Variants in ADGRG1 observed in about 807,000 individuals in gnomAD.
The protein encoded by ADGRG1 is 7-transmembrane protein with no EGF-like N-terminal domains-1.
Under a neutral mutation model 73.5 loss-of-function variants are expected in ADGRG1, and 53 were observed. The observed-to-expected ratio is 0.72, with a 90% CI of 0.58 to 0.91. The LOEUF (loss-of-function observed/expected upper bound fraction) is 0.91, where lower values mean the gene tolerates loss of function less well. Among genes scored for constraint, ADGRG1 ranks in the 40% least tolerant of loss-of-function variants. The probability of loss-of-function intolerance (pLI) is 0.00; values close to 1 mark genes in which losing one functional copy is unlikely to be tolerated. For missense variants in ADGRG1, 795 were observed against 871.8 expected (o/e 0.91, Z 1.11); for synonymous variants, 394 against 374.4 (o/e 1.05, Z -0.60).
chr16:57,662,508 C>T (rs2047446630), intron 13 of ADGRG1, among the ~76,000 whole-genome samples: 1 of 152,198 alleles, frequency 6.6e-6, no homozygotes. Context: ...CACCCGGGCC[C>T]TGCCACATCA....
rs1386666927 is a variant in ADGRG1, at chr16:57,665,496, T to G, written c.*1914T>G. On this transcript the variant is annotated 3_prime_UTR_variant, in exon 14 of 14. Transcript: ENST00000562631. ...GTCAAAAGCTGCCTGGTCCTGGGAT[T>G]TATGCAACCAGTTTACTGATCACTC... 2.0e-5 allele frequency: 3 copies of G among 152,184 alleles called. No individual in the cohort carries two copies. Among genetic ancestry groups the G allele is most frequent in the African/African-American group, 7.2e-5 (3 of 41,430 alleles). The allele number at this position is 152,184 out of a possible 1,614,324, so 9.4% of individuals were successfully genotyped here.
intron 1 of ADGRG1, among the ~76,000 whole-genome samples, chr16:57,644,702 G>T (rs377617240): frequency 7.9e-6 from 1 of 127,060 alleles, no homozygotes; most frequent in Admixed American, 8.0e-5. Flanking sequence ...ACACATGCAC[G>T]GGCACACACT....
At chr16:57,626,529 A>G, upstream of ADGRG1, 1 of 949,950 alleles carries the variant, frequency 1.1e-6, no homozygotes, top group South Asian at 4.9e-5. Context: ...AGGTCTCTGC[A>G]AAGTCCGACG....
chr16:57,654,239 C>T lies in ADGRG1; in HGVS notation c.768+106C>T, dbSNP rs1205752141. On this transcript the variant is annotated intron_variant, in intron 5 of 13. Coordinates refer to ENST00000562631, the MANE Select transcript of ADGRG1 (RefSeq NM_201525.4). The stretch of plus-strand genomic sequence containing the variant: ...AGCTCAGTGCCGTCGCAGCCTCTCC[C>T]TGGGGCCTCCCGAGAAGGTTCCAGG... The T allele has an allele frequency of 2.6e-5, 30 of 1,153,862 alleles. No homozygotes were observed. The Admixed American group carries it at 6.3e-4, about 24-fold the overall frequency. 71.5% of individuals were successfully genotyped at this position (1,153,862 alleles called of 1,614,324 possible).
chr16:57,660,937 C>A, intron 12 of ADGRG1, 61 bp downstream of exon 12: 1 of 997,768 alleles, frequency 1.0e-6, no homozygotes, highest in Non-Finnish European at 1.6e-6. Context: ...GGCCAGAGTG[C>A]AGCCCGGGCC....
intron 10 of ADGRG1, chr16:57,658,915 T>C (rs1367204492): frequency 1.0e-6 from 1 of 977,476 alleles, no homozygotes; most frequent in African/African-American, 1.8e-5. Context: ...CATGTTCTGC[T>C]GCACCCTCTA....
intron 1 of ADGRG1, chr16:57,634,338 A>G: frequency 1.0e-6 from 1 of 985,408 alleles, no homozygotes; most frequent in Non-Finnish European, 1.2e-6. Flanking sequence ...AGGGGCTGGC[A>G]GGGGCCCCTG....
chr16:57,646,965 C>T (rs1387236303), intron 1 of ADGRG1: 4 of 983,184 alleles, frequency 4.1e-6, no homozygotes, highest in East Asian at 1.2e-4. Flanking sequence ...CGCCTGATGG[C>T]TGAGGCCCTG....
Position 57,655,417 on chromosome 16 carries a change from A to G in ADGRG1, c.787A>G (p.Met263Val), listed in dbSNP as rs746999812. Residue 263 changes from methionine (M) to valine (V), a missense_variant, in exon 6 of 14, where the codon ATG becomes GTG. Transcript: ENST00000562631. ...TCTGCAGGAGGAGCAGAGCGAGATCATGGAGTACTCGGTGCTGCTGCCTCG... is the reference window on the plus strand; with the variant it reads ...TCTGCAGGAGGAGCAGAGCGAGATCGTGGAGTACTCGGTGCTGCTGCCTCG... Reference protein sequence around the residue: ...SRQEEEQSEIMEYSVLLPRTL... With the variant: ...SRQEEEQSEIVEYSVLLPRTL... 9 of 1,613,544 alleles carry G rather than the reference A, an allele frequency of 5.6e-6. No homozygotes were observed. In the South Asian group the frequency reaches 8.8e-5, roughly 16 times the overall value.
Position 57,655,432 on chromosome 16 carries a change from C to T in ADGRG1, c.802C>T (p.Leu268=). Residue 268 remains leucine (L), a synonymous_variant, in exon 6 of 14, where the codon CTG becomes TTG. Coordinates refer to ENST00000562631, the MANE Select transcript of ADGRG1 (RefSeq NM_201525.4). The part of the protein sequence containing the change: ...EQSEIMEYSV[L]LPRTLFQRTK... ...GAGCGAGATCATGGAGTACTCGGTGCTGCTGCCTCGAACACTCTTCCAGAG... is the reference window on the plus strand; with the variant it reads ...GAGCGAGATCATGGAGTACTCGGTGTTGCTGCCTCGAACACTCTTCCAGAG... The T allele has an allele frequency of 6.2e-7, 1 of 1,613,658 alleles. No homozygotes were observed. The highest frequency in any genetic ancestry group is 8.5e-7 in the Non-Finnish European group (1 of 1,179,990).
intron 5 of ADGRG1, chr16:57,655,168 G>A: frequency 8.1e-6 from 8 of 985,404 alleles, no homozygotes; most frequent in Non-Finnish European, 9.6e-6. Context: ...GTTCTCCCAG[G>A]GCTATTTGCC....
At chr16:57,649,920 G>A (rs190265889) in intron 1 of ADGRG1, 1 of 153,562 alleles carries the variant, frequency 6.5e-6, no homozygotes, top group Admixed American at 6.5e-5. Context: ...TGGGACCACA[G>A]GCATACACCG....
At chr16:57,649,137 C>G (rs1168858871) in intron 1 of ADGRG1, among the ~76,000 whole-genome samples, 1 of 152,200 alleles carries the variant, frequency 6.6e-6, no homozygotes, top group Non-Finnish European at 1.5e-5. Flanking sequence ...TTGTCCCCAG[C>G]AGAAACCGTG....
intron 1 of ADGRG1, chr16:57,631,651 G>A (rs1287174908): frequency 4.1e-6 from 4 of 985,434 alleles, no homozygotes; most frequent in Non-Finnish European, 3.6e-6. Context: ...AGCAGTCAGG[G>A]GTGACCAGAC....
upstream of ADGRG1, chr16:57,624,104 T>A: frequency 1.7e-6 from 1 of 582,500 alleles, no homozygotes; most frequent in Non-Finnish European, 2.2e-6. Context: ...CCAAGATTTA[T>A]TGAGCACCTA....
intron 1 of ADGRG1, chr16:57,630,369 C>T: frequency 1.0e-6 from 1 of 985,492 alleles, no homozygotes; most frequent in Non-Finnish European, 1.2e-6. Flanking sequence ...AGACCTGACC[C>T]CTTCTTTGCT....
rs753713822 is a variant in ADGRG1, at chr16:57,659,440, G to A, written c.1314G>A (p.Lys438=). Residue 438 remains lysine (K), a synonymous_variant, in exon 11 of 14, where the codon AAG becomes AAA. Transcript: ENST00000562631. Reference sequence around the variant, plus strand: ...GGAAACCTCGGGACTACACCATCAAGGTGCACATGAACCTGCTGCTGGCCG... The same window carrying A: ...GGAAACCTCGGGACTACACCATCAAAGTGCACATGAACCTGCTGCTGGCCG... The part of the protein sequence containing the change: ...SRRKPRDYTI[K]VHMNLLLAVF... The A allele has an allele frequency of 2.5e-6, 4 of 1,613,920 alleles. No individual in the cohort carries two copies. The highest frequency in any genetic ancestry group is 3.4e-6 in the Non-Finnish European group (4 of 1,180,024).
intron 6 of ADGRG1, 81 bp downstream of exon 6, chr16:57,655,611 C>T: frequency 6.2e-7 from 1 of 1,603,466 alleles, no homozygotes; most frequent in African/African-American, 1.3e-5. Flanking sequence ...CGCAGATGAG[C>T]TCCTTCCTCT....
At chr16:57,622,552 G>A (rs1253541314) in intron 2 of ADGRG1, among the ~76,000 whole-genome samples, 1 of 152,186 alleles carries the variant, frequency 6.6e-6, no homozygotes, top group East Asian at 1.9e-4. Context: ...ACGCCCAGCC[G>A]TGCACACTGC....
Sources: allele counts gnomAD v4.1 joint callset (sites outside exome capture counted in the v4.1 genomes callset), GRCh38; gene constraint gnomAD v4.1.1; transcripts MANE v1.5; gene names NCBI Gene and HGNC (gene_info 2026-07-23, HGNC 2026-07-21).